Variants in DCT observed in about 807,000 individuals in gnomAD.
DCT encodes dopachrome tautomerase.
Under a neutral mutation model 53.0 loss-of-function variants are expected in DCT, and 47 were observed. The ratio of observed to expected loss-of-function variants is 0.89; its 90% CI spans 0.70 to 1.13. DCT has a LOEUF of 1.13. Among genes scored for constraint, DCT ranks in the 50% most tolerant of loss-of-function variants. The pLI is 0.00. For synonymous variants in DCT, 244 were observed against 237.0 expected (o/e 1.03, Z -0.27); for missense variants, 669 against 637.4 (o/e 1.05, Z -0.53).
At chr13:94,532,662 G>A in the DCT span, among the ~76,000 whole-genome samples, 2 of 152,170 alleles carry the variant, frequency 1.3e-5, no homozygotes, top group Non-Finnish European at 2.9e-5. Context: ...GGGAGGGATA[G>A]CATTAGGAGA....
chr13:94,444,926 G>A (rs1385380085), intron 6 of DCT, among the ~76,000 whole-genome samples: 1 of 152,202 alleles, frequency 6.6e-6, no homozygotes, highest in Non-Finnish European at 1.5e-5. Flanking sequence ...CTCAGGTTTA[G>A]TATACAACCT....
At chr13:94,509,782 A>G in the DCT span, among the ~76,000 whole-genome samples, 1 of 152,158 alleles carries the variant, frequency 6.6e-6, no homozygotes, top group Non-Finnish European at 1.5e-5. Flanking sequence ...AATACATACA[A>G]AGTCTTAACA....
intron 4 of DCT, among the ~76,000 whole-genome samples, chr13:94,463,290 T>C (rs985065554): frequency 2.0e-5 from 3 of 150,488 alleles, no homozygotes; most frequent in East Asian, 1.9e-4. Context: ...GCTAACTTTT[T>C]TTTTTTTTTT....
the DCT span, among the ~76,000 whole-genome samples, chr13:94,523,359 G>C: frequency 3.9e-5 from 6 of 152,128 alleles, no homozygotes; most frequent in Middle Eastern, 3.2e-3. Context: ...GATTCACAGT[G>C]CCTTCTTGCC....
chr13:94,470,836 T>G (rs1884599127), intron 1 of DCT, among the ~76,000 whole-genome samples: 1 of 152,254 alleles, frequency 6.6e-6, no homozygotes, highest in Non-Finnish European at 1.5e-5. Context: ...TCTTCACATT[T>G]ATTTACACTG....
the DCT span, among the ~76,000 whole-genome samples, chr13:94,499,125 G>A: frequency 6.6e-6 from 1 of 152,142 alleles, no homozygotes; most frequent in African/African-American, 2.4e-5. Flanking sequence ...TCTTGCTGTT[G>A]CTCACTCTTT....
At chr13:94,546,798 T>C in the DCT span, among the ~76,000 whole-genome samples, 1 of 152,106 alleles carries the variant, frequency 6.6e-6, no homozygotes, top group African/African-American at 2.4e-5. This position sits in a 1 kb window ranked among gnomAD's most constrained non-coding sequence, Gnocchi z 4.2. Context: ...AGCTGAAGCA[T>C]GCGCACTAAG....
the DCT span, among the ~76,000 whole-genome samples, chr13:94,548,033 T>A: frequency 6.9e-6 from 1 of 144,348 alleles, no homozygotes; most frequent in Non-Finnish European, 1.5e-5. Context: ...CACTGCTCCA[T>A]AGAGCCTTTT....
chr13:94,446,648 CAG>C (rs1052016260), intron 6 of DCT, among the ~76,000 whole-genome samples: 3 of 152,172 alleles, frequency 2.0e-5, no homozygotes, highest in African/African-American at 7.2e-5. Flanking sequence ...CGGTTGGAGA[CAG>C]TGTCTCGCTT....
intron 5 of DCT, among the ~76,000 whole-genome samples, chr13:94,461,669 TAAGAA>T (rs1243186940): frequency 2.6e-5 from 4 of 152,260 alleles, no homozygotes; most frequent in South Asian, 2.1e-4. Flanking sequence ...TTTTAAAAAA[TAAGAA>T]AGGAAAGAGA....
At chr13:94,528,250 CA>C in the DCT span, among the ~76,000 whole-genome samples, 1 of 152,122 alleles carries the variant, frequency 6.6e-6, no homozygotes, top group Non-Finnish European at 1.5e-5. Flanking sequence ...CCTAACCTAG[CA>C]AAGCAGGCCA....
chr13:94,526,742 G>A, the DCT span, among the ~76,000 whole-genome samples: 2 of 152,164 alleles, frequency 1.3e-5, no homozygotes, highest in African/African-American at 4.8e-5. Context: ...TCCAACTGAG[G>A]TACCTGGTCC....
the DCT span, among the ~76,000 whole-genome samples, chr13:94,518,140 AG>A: frequency 1.3e-5 from 2 of 148,628 alleles, no homozygotes; most frequent in African/African-American, 5.1e-5. Flanking sequence ...GAAGGAAGGA[AG>A]GAAGGAAGGA....
At chr13:94,504,218 C>G in the DCT span, among the ~76,000 whole-genome samples, 9 of 152,220 alleles carry the variant, frequency 5.9e-5, no homozygotes, top group African/African-American at 1.9e-4. Context: ...CACTAATTTT[C>G]AATGCTTCAA....
the DCT span, among the ~76,000 whole-genome samples, chr13:94,536,213 C>G: frequency 6.6e-6 from 1 of 152,118 alleles, no homozygotes; most frequent in Admixed American, 6.5e-5. Context: ...TTGATAGATC[C>G]GACCCTCAAG....
Position 94,439,957 on chromosome 13 carries a change from C to T in DCT, c.1501G>A (p.Gly501Arg), listed in dbSNP as rs1417061420. The change falls in exon 8 of 8, where the codon GGA (glycine) becomes AGA (arginine). Residue 501 changes from glycine to arginine, a missense_variant. Transcript: ENST00000377028. ...AFLQYRRLRKGYTPLMETHLS... is the reference protein window; with the variant it reads ...AFLQYRRLRKRYTPLMETHLS... ...TGTGTCTCCATTAGGGGTGTATATC[C>T]TTTTCGAAGTCTTCTATATTGAAGA... The T allele has an allele frequency of 1.9e-6, 3 of 1,614,042 alleles. No individual in the cohort carries two copies. The highest frequency in any genetic ancestry group is 2.2e-5 in the East Asian group (1 of 44,876).
chr13:94,497,485 C>A, the DCT span, among the ~76,000 whole-genome samples: 169 of 152,292 alleles, frequency 1.1e-3, no homozygotes, highest in Admixed American at 4.0e-3. Flanking sequence ...TACTAATAAC[C>A]TACTGTTGAC....
the DCT span, among the ~76,000 whole-genome samples, chr13:94,487,281 GA>G: frequency 6.6e-6 from 1 of 152,206 alleles, no homozygotes; most frequent in African/African-American, 2.4e-5. Context: ...TCTGAGAGTA[GA>G]AAAGTGCCTT....
chr13:94,462,011 T>A lies in DCT; in HGVS notation c.1042A>T (p.Arg348Trp), dbSNP rs201520554. 3.0e-5 allele frequency: 48 copies of A among 1,612,836 alleles called. No individual in the cohort carries two copies. The highest frequency in any genetic ancestry group is 4.0e-5 in the Non-Finnish European group (47 of 1,179,638). The change falls in exon 5 of 8, where the codon AGG becomes TGG. Residue 348 changes from arginine (R) to tryptophan (W), a missense_variant and splice_region_variant. Transcript: ENST00000377028. ...TCCAGCAGAGCTCAGAGCACCCACC[T>A]GAAACTGAAGGTAGAGTTCTGGAAG... ...PFFQNSTFSF[R>W]NALEGFDKAD...
Sources: gnomAD v4.1 joint callset for allele counts (sites outside exome capture counted in the v4.1 genomes callset) on GRCh38, gnomAD v4.1.1 for gene constraint, Gnocchi (gnomAD v3.1) non-coding constraint, MANE v1.5 for transcripts, NCBI Gene and HGNC (gene_info 2026-07-23, HGNC 2026-07-21) for gene names.